Variants in PTPRR observed in about 807,000 individuals in gnomAD.
PTPRR encodes the protein receptor-type tyrosine-protein phosphatase R.
A neutral mutation model predicts 77.2 loss-of-function variants in PTPRR; 38 were observed. The observed-to-expected ratio is 0.49, with a 90% CI of 0.38 to 0.65. The LOEUF (loss-of-function observed/expected upper bound fraction) is 0.65, where lower values mean the gene tolerates loss of function less well. PTPRR is among the 30% of genes least tolerant of loss of function. PTPRR has a pLI of 0.00. For missense variants in PTPRR, 744 were observed against 799.2 expected (o/e 0.93, Z 0.83); for synonymous variants, 299 against 283.1 (o/e 1.06, Z -0.57).
chr12:70,877,217 G>A (rs1185215280), intron 2 of PTPRR, among the ~76,000 whole-genome samples: 3 of 152,276 alleles, frequency 2.0e-5, no homozygotes, highest in Non-Finnish European at 4.4e-5. Flanking sequence ...GTGATGCACA[G>A]CTCCAGGGAA....
chr12:70,789,344 T>C (rs1891385121), intron 2 of PTPRR, among the ~76,000 whole-genome samples: 1 of 152,084 alleles, frequency 6.6e-6, no homozygotes, highest in African/African-American at 2.4e-5. Context: ...TTCCACTATT[T>C]CCACCAAAAT....
intron 8 of PTPRR, 58 bp from the exon 9 acceptor site, chr12:70,684,841 T>C (rs1887801604): frequency 8.1e-7 from 1 of 1,234,918 alleles, no homozygotes; most frequent in South Asian, 1.3e-5. Flanking sequence ...TAAAGTTCCT[T>C]AGAATGCCAA....
chr12:70,909,947 C>T (rs1317280127), intron 1 of PTPRR, among the ~76,000 whole-genome samples: 1 of 152,048 alleles, frequency 6.6e-6, no homozygotes, highest in East Asian at 1.9e-4. Context: ...TAATTATGAG[C>T]ATTTAAAAAT....
chr12:70,817,992 T>C (rs1891935418), intron 2 of PTPRR, among the ~76,000 whole-genome samples: 1 of 152,090 alleles, frequency 6.6e-6, no homozygotes, highest in African/African-American at 2.4e-5. Context: ...GGAGGTCGGA[T>C]CATGAGGTCA....
At chr12:70,853,016 T>C (rs1892595997) in intron 2 of PTPRR, among the ~76,000 whole-genome samples, 2 of 152,210 alleles carry the variant, frequency 1.3e-5, no homozygotes, top group African/African-American at 2.4e-5. Flanking sequence ...ATGACTACCG[T>C]TCACGGGCCA....
At chr12:70,886,615 T>C (rs1893244497) in intron 2 of PTPRR, among the ~76,000 whole-genome samples, 1 of 152,174 alleles carries the variant, frequency 6.6e-6, no homozygotes, top group African/African-American at 2.4e-5. Context: ...AGGTTATAGA[T>C]ACAAAACAAG....
At chr12:70,821,246 A>C (rs1446923521) in intron 2 of PTPRR, among the ~76,000 whole-genome samples, 1 of 31,840 alleles carries the variant, frequency 3.1e-5, no homozygotes, top group African/African-American at 7.2e-5. Context: ...TTTTTTTAGG[A>C]CAGAGTTTCA....
At chr12:70,920,151 A>T (rs1367018732) in intron 1 of PTPRR, among the ~76,000 whole-genome samples, 182 bp downstream of exon 1, 1 of 152,114 alleles carries the variant, frequency 6.6e-6, no homozygotes, top group East Asian at 1.9e-4. Context: ...TTTTAGGTTA[A>T]GTTTTCGGCC....
At chr12:70,867,762 C>G (rs571662556) in intron 2 of PTPRR, among the ~76,000 whole-genome samples, 1 of 152,160 alleles carries the variant, frequency 6.6e-6, no homozygotes, top group African/African-American at 2.4e-5. Context: ...AAACTAGAGG[C>G]ATCACGCTAC....
At chr12:70,754,344 G>C (rs750998797) in intron 4 of PTPRR, 43 bp from the exon 5 acceptor site, 22 of 1,608,408 alleles carry the variant, frequency 1.4e-5, no homozygotes, top group Admixed American at 5.1e-5. Flanking sequence ...ATGAGAGCTT[G>C]AGAAAACTGG....
intron 6 of PTPRR, among the ~76,000 whole-genome samples, chr12:70,722,564 C>T (rs1023713800): frequency 2.0e-5 from 3 of 152,066 alleles, no homozygotes; most frequent in African/African-American, 4.8e-5. Context: ...GGAGGTCATC[C>T]GGCTTGACTT....
At chr12:70,816,726 C>A (rs534431812) in intron 2 of PTPRR, among the ~76,000 whole-genome samples, 2 of 151,822 alleles carry the variant, frequency 1.3e-5, no homozygotes, top group Admixed American at 6.6e-5. Context: ...GAAACAGAAT[C>A]TTTTTTTAAT....
At chr12:70,832,536 G>A (rs1245805311) in intron 2 of PTPRR, among the ~76,000 whole-genome samples, 8 of 152,054 alleles carry the variant, frequency 5.3e-5, no homozygotes, top group Non-Finnish European at 1.2e-4. Flanking sequence ...GCAGGAAATG[G>A]GACTAGACAT....
At chr12:70,738,915 TA>T in intron 6 of PTPRR, among the ~76,000 whole-genome samples, 1 of 152,204 alleles carries the variant, frequency 6.6e-6, no homozygotes, top group Non-Finnish European at 1.5e-5. Flanking sequence ...ATGTGGTAGT[TA>T]CAGAGCAAGT....
At chr12:70,643,996 C>A (rs80068509) in intron 13 of PTPRR, among the ~76,000 whole-genome samples, 86 of 152,134 alleles carry the variant, frequency 5.7e-4, no homozygotes, top group African/African-American at 2.0e-3. Flanking sequence ...AAAACATAAC[C>A]CCAGCCAATC....
chr12:70,838,324 A>C (rs1008365459), intron 2 of PTPRR, among the ~76,000 whole-genome samples: 4 of 152,172 alleles, frequency 2.6e-5, no homozygotes, highest in African/African-American at 9.6e-5. Context: ...TTTGGTCTCA[A>C]AGCAATCCAA....
intron 2 of PTPRR, among the ~76,000 whole-genome samples, chr12:70,765,324 G>A (rs375824997): frequency 2.0e-5 from 3 of 152,124 alleles, no homozygotes; most frequent in African/African-American, 4.8e-5. Context: ...GCGCTTTTCC[G>A]ACGGGCTTAA....
chr12:70,791,335 C>A (rs1891418474), intron 2 of PTPRR, among the ~76,000 whole-genome samples: 1 of 152,184 alleles, frequency 6.6e-6, no homozygotes, highest in South Asian at 2.1e-4. Flanking sequence ...AAAACTGTCT[C>A]ACTGTTAGAA....
chr12:70,883,641 T>C (rs936732127), intron 2 of PTPRR, among the ~76,000 whole-genome samples: 2 of 152,228 alleles, frequency 1.3e-5, no homozygotes, highest in Non-Finnish European at 2.9e-5. Context: ...TTTTTGAGTT[T>C]TTTTAAATGT....
Sources: allele counts gnomAD v4.1 joint callset (sites outside exome capture counted in the v4.1 genomes callset), GRCh38; gene constraint gnomAD v4.1.1; transcripts MANE v1.5; gene names NCBI Gene and HGNC (gene_info 2026-07-23, HGNC 2026-07-21).